Variants in LRP1B observed in about 807,000 individuals in gnomAD.
LRP1B encodes the protein LDL receptor related protein 1B.
LRP1B carries 217 observed loss-of-function variants against 556.6 expected under a neutral mutation model. The ratio of observed to expected loss-of-function variants is 0.39; its 90% CI spans 0.35 to 0.44. The LOEUF is 0.44. Among genes scored for constraint, LRP1B ranks in the 20% least tolerant of loss-of-function variants. The pLI, the probability that LRP1B is intolerant of heterozygous loss-of-function variation, is 1.00. For missense variants in LRP1B, 5,053 were observed against 5,620.8 expected (o/e 0.90, Z 3.23); for synonymous variants, 2,047 against 1,865.8 (o/e 1.10, Z -2.50).
At chr2:141,431,563 T>C (rs892748306) in intron 3 of LRP1B, among the ~76,000 whole-genome samples, 1 of 152,176 alleles carries the variant, frequency 6.6e-6, no homozygotes. Flanking sequence ...ATTGCAGCTA[T>C]AGATCAATTG....
At chr2:141,351,882 G>T (rs929792124) in intron 3 of LRP1B, among the ~76,000 whole-genome samples, 2 of 151,896 alleles carry the variant, frequency 1.3e-5, no homozygotes, top group Non-Finnish European at 2.9e-5. Flanking sequence ...CAGTAGATAG[G>T]CTATATAGTG....
chr2:140,348,637 A>AAAGTT (rs1681805461), intron 77 of LRP1B, among the ~76,000 whole-genome samples: 1 of 152,286 alleles, frequency 6.6e-6, no homozygotes, highest in African/African-American at 2.4e-5. Context: ...CATTAAAAGT[A>AAAGTT]AAGTTTTATA....
At chr2:140,623,956 G>GTATATATATATATA (rs3060390) in intron 41 of LRP1B, among the ~76,000 whole-genome samples, 3,924 of 106,352 alleles carry the variant, frequency 0.037, 324 homozygotes, top group African/African-American at 0.058. Flanking sequence ...TTTTATTTAT[G>GTATATATATATATA]TATATATATA....
chr2:140,844,378 T>A (rs1692212337), intron 29 of LRP1B, among the ~76,000 whole-genome samples: 1 of 152,092 alleles, frequency 6.6e-6, no homozygotes, highest in South Asian at 2.1e-4. Context: ...TAATTCTAAT[T>A]TTTTATGCTT....
intron 1 of LRP1B, among the ~76,000 whole-genome samples, chr2:141,973,051 CTG>C (rs1701789941): frequency 1.3e-5 from 2 of 151,618 alleles, no homozygotes; most frequent in East Asian, 1.9e-4. Flanking sequence ...AGACTTCAAA[CTG>C]TATTATTATG....
chr2:141,090,954 G>A (rs7563991), intron 7 of LRP1B, among the ~76,000 whole-genome samples: 2 of 151,578 alleles, frequency 1.3e-5, no homozygotes, highest in African/African-American at 4.8e-5. Context: ...TATTTCTAGT[G>A]TTTTCAATTG....
intron 77 of LRP1B, among the ~76,000 whole-genome samples, chr2:140,340,488 T>C (rs1681335921): frequency 6.6e-6 from 1 of 151,532 alleles, no homozygotes. Context: ...CTAATTCCGA[T>C]ATTATTCTCC....
intron 18 of LRP1B, among the ~76,000 whole-genome samples, chr2:140,965,443 G>T (rs990635713): frequency 5.9e-5 from 9 of 151,960 alleles, no homozygotes; most frequent in African/African-American, 2.2e-4. Flanking sequence ...GAAAGTCAAA[G>T]TCAGCGGAAA....
chr2:140,424,374 C>T (rs1228099306), intron 66 of LRP1B, among the ~76,000 whole-genome samples: 1 of 152,160 alleles, frequency 6.6e-6, no homozygotes, highest in South Asian at 2.1e-4. Flanking sequence ...TACAAAAAAT[C>T]CTATAAGGTC....
chr2:141,774,098 C>T (rs934982329), intron 2 of LRP1B, among the ~76,000 whole-genome samples: 5 of 152,158 alleles, frequency 3.3e-5, no homozygotes, highest in African/African-American at 9.7e-5. Flanking sequence ...TGGCAGAAAT[C>T]ACAATTAAAA....
At chr2:141,659,208 A>G (rs1280616794) in intron 2 of LRP1B, among the ~76,000 whole-genome samples, 1 of 152,146 alleles carries the variant, frequency 6.6e-6, no homozygotes, top group East Asian at 1.9e-4. Context: ...AGGCCATATG[A>G]CTATTTATGC....
chr2:141,693,927 C>T (rs534136574), intron 2 of LRP1B, among the ~76,000 whole-genome samples: 6 of 152,074 alleles, frequency 3.9e-5, no homozygotes, highest in Admixed American at 1.3e-4. Flanking sequence ...ATAGAAGCCA[C>T]ATGAATTGAG....
intron 1 of LRP1B, among the ~76,000 whole-genome samples, chr2:141,845,919 G>C (rs1243601423): frequency 6.6e-6 from 1 of 151,432 alleles, no homozygotes; most frequent in Non-Finnish European, 1.5e-5. Flanking sequence ...TGTATATGTT[G>C]AACAGCAGAA....
At chr2:142,088,987 AAAAAAAAAAG>A (rs1338284678) in intron 1 of LRP1B, among the ~76,000 whole-genome samples, 867 of 38,708 alleles carry the variant, frequency 0.022, 2 homozygotes, top group East Asian at 0.085. Flanking sequence ...AAAAAAAAAA[AAAAAAAAAAG>A]AAAAAGAAAA....
intron 43 of LRP1B, among the ~76,000 whole-genome samples, chr2:140,563,904 G>T (rs1263774638): frequency 6.6e-6 from 1 of 152,138 alleles, no homozygotes; most frequent in Admixed American, 6.6e-5. Context: ...GAAGCCTAAG[G>T]TCTGTTGTCT....
At chr2:141,581,200 A>G (rs985751974) in intron 2 of LRP1B, among the ~76,000 whole-genome samples, 1 of 152,172 alleles carries the variant, frequency 6.6e-6, no homozygotes, top group Non-Finnish European at 1.5e-5. Context: ...CCTCTCAGTT[A>G]TCTCTCTGAC....
At chr2:140,529,971 A>G (rs942800216) in intron 47 of LRP1B, among the ~76,000 whole-genome samples, 1 of 152,030 alleles carries the variant, frequency 6.6e-6, no homozygotes, top group African/African-American at 2.4e-5. Context: ...AAGATTTGGC[A>G]TGTTTCTTTT....
chr2:142,097,197 T>C (rs1706406353), intron 1 of LRP1B, among the ~76,000 whole-genome samples: 2 of 151,648 alleles, frequency 1.3e-5, no homozygotes, highest in African/African-American at 4.8e-5. Flanking sequence ...CATCAAAAAT[T>C]ACCTATTTCA....
chr2:141,861,187 G>A lies in LRP1B; in HGVS notation c.83-50786C>T, dbSNP rs573779750. On this transcript the variant is annotated intron_variant, in intron 1 of 90. Coordinates refer to ENST00000389484, the MANE Select transcript of LRP1B (RefSeq NM_018557.3). Reference sequence around the variant, plus strand: ...TAAAGTTTTGCCTTTGGCCCTATTTGACAAGTTCATCCATGGCCACAACTT... The same window carrying A: ...TAAAGTTTTGCCTTTGGCCCTATTTAACAAGTTCATCCATGGCCACAACTT... Among the ~76,000 whole-genome samples the A allele has an allele frequency of 9.9e-5, 15 of 152,082 alleles. 1 individual carries two copies. In the South Asian group the frequency reaches 2.9e-3, roughly 29 times the overall value.
Sources: allele counts gnomAD v4.1 joint callset (sites outside exome capture counted in the v4.1 genomes callset), GRCh38; gene constraint gnomAD v4.1.1; transcripts MANE v1.5; gene names NCBI Gene and HGNC (gene_info 2026-07-23, HGNC 2026-07-21).